The following ITPR2 variants were observed in gnomAD, a reference collection of about 807,000 sequenced individuals.
ITPR2 encodes the protein inositol 1,4,5-trisphosphate-gated calcium channel ITPR2.
A neutral mutation model predicts 317.1 loss-of-function variants in ITPR2; 207 were observed. The ratio of observed to expected loss-of-function variants is 0.65; its 90% CI spans 0.58 to 0.73. The LOEUF (loss-of-function observed/expected upper bound fraction) is 0.73, where lower values mean the gene tolerates loss of function less well. Ranked by LOEUF, ITPR2 falls within the 30% of genes least tolerant of loss-of-function variation. The pLI is 0.00. For missense variants in ITPR2, 2,613 were observed against 3,284.0 expected (o/e 0.80, Z 4.99); for synonymous variants, 1,156 against 1,149.1 (o/e 1.01, Z -0.12).
chr12:26,393,498 C>T (rs369296600), intron 54 of ITPR2, among the ~76,000 whole-genome samples: 1 of 152,262 alleles, frequency 6.6e-6, no homozygotes, highest in South Asian at 2.1e-4. Context: ...AAATGTATAC[C>T]TTTCTGTTAC....
intron 33 of ITPR2, among the ~76,000 whole-genome samples, chr12:26,579,690 A>AT (rs766941966): frequency 6.6e-6 from 1 of 152,106 alleles, no homozygotes; most frequent in African/African-American, 2.4e-5. Context: ...ATCTTTGTTA[A>AT]TTCTTTTAGG....
At chr12:26,581,316 G>T (rs889114128) in intron 32 of ITPR2, among the ~76,000 whole-genome samples, 2 of 152,110 alleles carry the variant, frequency 1.3e-5, no homozygotes, top group East Asian at 1.9e-4. Context: ...GCGGGAGAAA[G>T]AGAACAGGGT....
At chr12:26,801,685 C>A (rs934180991) in intron 1 of ITPR2, among the ~76,000 whole-genome samples, 20 of 152,044 alleles carry the variant, frequency 1.3e-4, no homozygotes, top group African/African-American at 4.8e-4. Context: ...TTTAAGATAC[C>A]CCTAGTTTTT....
chr12:26,787,691 G>A (rs1198219416), intron 2 of ITPR2, among the ~76,000 whole-genome samples: 1 of 152,154 alleles, frequency 6.6e-6, no homozygotes, highest in African/African-American at 2.4e-5. Context: ...GGGCACCCCT[G>A]GAAACCAAGT....
intron 55 of ITPR2, among the ~76,000 whole-genome samples, chr12:26,356,772 C>T: frequency 6.6e-6 from 1 of 152,200 alleles, no homozygotes; most frequent in Non-Finnish European, 1.5e-5. Flanking sequence ...GTCTCCAACT[C>T]CTGGCCTCAA....
intron 37 of ITPR2, among the ~76,000 whole-genome samples, chr12:26,510,507 G>C (rs1943314561): frequency 6.6e-6 from 1 of 152,220 alleles, no homozygotes; most frequent in African/African-American, 2.4e-5. Context: ...GGAGGAGTGA[G>C]AAGATCACAA....
chr12:26,425,657 C>T (rs1941036068), intron 49 of ITPR2, among the ~76,000 whole-genome samples: 1 of 146,276 alleles, frequency 6.8e-6, no homozygotes, highest in Admixed American at 7.0e-5. Context: ...CAGAGTGAGA[C>T]CCTGTCTAAA....
intron 1 of ITPR2, among the ~76,000 whole-genome samples, chr12:26,820,246 C>T (rs969947887): frequency 6.6e-6 from 1 of 152,088 alleles, no homozygotes; most frequent in African/African-American, 2.4e-5. Flanking sequence ...AAGAATTGCC[C>T]ATGGATCTCA....
At chr12:26,424,591 T>G (rs1344504899) in intron 49 of ITPR2, among the ~76,000 whole-genome samples, 2 of 134,668 alleles carry the variant, frequency 1.5e-5, no homozygotes, top group East Asian at 2.1e-4. Context: ...TTTGTGTTTT[T>G]TTTTTTTTTT....
chr12:26,460,650 C>T (rs1409681032), intron 45 of ITPR2, among the ~76,000 whole-genome samples: 1 of 152,062 alleles, frequency 6.6e-6, no homozygotes, highest in Non-Finnish European at 1.5e-5. Context: ...CTGCAGACAA[C>T]TTGAATAAAA....
chr12:26,340,831 T>C (rs1938087636), intron 55 of ITPR2, among the ~76,000 whole-genome samples: 1 of 152,166 alleles, frequency 6.6e-6, no homozygotes, highest in Non-Finnish European at 1.5e-5. Context: ...CCCTCAGAGC[T>C]CCACTTGAGG....
intron 55 of ITPR2, among the ~76,000 whole-genome samples, chr12:26,371,333 A>C (rs966290141): frequency 1.3e-5 from 2 of 152,218 alleles, no homozygotes; most frequent in African/African-American, 4.8e-5. Context: ...GACCTTAGAG[A>C]TCAATTATTT....
chr12:26,553,729 G>C (rs532706708), intron 36 of ITPR2, among the ~76,000 whole-genome samples: 1 of 151,972 alleles, frequency 6.6e-6, no homozygotes, highest in Admixed American at 6.6e-5. Flanking sequence ...AGCTTGCAGT[G>C]AGCCAAGATT....
At chr12:26,798,642 C>A (rs776955099) in intron 1 of ITPR2, among the ~76,000 whole-genome samples, 6 of 152,046 alleles carry the variant, frequency 3.9e-5, no homozygotes, top group Admixed American at 1.3e-4. Flanking sequence ...GAAGTAGATC[C>A]CAAGGATGTT....
At chr12:26,792,525 TTTA>T (rs1289329951) in intron 1 of ITPR2, among the ~76,000 whole-genome samples, 6 of 151,988 alleles carry the variant, frequency 3.9e-5, no homozygotes, top group African/African-American at 1.4e-4. Context: ...AGAAATGTGT[TTTA>T]TATGGAGGTA....
intron 45 of ITPR2, among the ~76,000 whole-genome samples, chr12:26,456,040 A>T (rs1406722134): frequency 6.6e-6 from 1 of 152,196 alleles, no homozygotes; most frequent in Non-Finnish European, 1.5e-5. Flanking sequence ...TTGTATGTTC[A>T]TTCTTTCAGA....
chr12:26,677,205 G>A (rs1163490566), intron 13 of ITPR2, among the ~76,000 whole-genome samples: 1 of 152,000 alleles, frequency 6.6e-6, no homozygotes, highest in African/African-American at 2.4e-5. Context: ...CAAGAAAGAA[G>A]TAAAAGGAAA....
intron 37 of ITPR2, among the ~76,000 whole-genome samples, chr12:26,513,273 T>A (rs960982859): frequency 6.6e-6 from 1 of 152,200 alleles, no homozygotes; most frequent in East Asian, 1.9e-4. Context: ...GCCATTTCCA[T>A]CCTGCATTTT....
At chr12:26,642,849 C>T (rs1947024830) in intron 21 of ITPR2, among the ~76,000 whole-genome samples, 1 of 152,176 alleles carries the variant, frequency 6.6e-6, no homozygotes, top group Non-Finnish European at 1.5e-5. Context: ...TGCTGTGATG[C>T]TCCTGCCCAG....
Sources: allele counts gnomAD v4.1 joint callset (sites outside exome capture counted in the v4.1 genomes callset), GRCh38; gene constraint gnomAD v4.1.1; transcripts MANE v1.5; gene names NCBI Gene and HGNC (gene_info 2026-07-23, HGNC 2026-07-21).